The following CHRNA5 variants were observed in gnomAD, a reference collection of about 807,000 sequenced individuals.
CHRNA5 encodes the protein cholinergic receptor nicotinic alpha 5 subunit.
A neutral mutation model predicts 41.2 loss-of-function variants in CHRNA5; 28 were observed. The observed-to-expected ratio is 0.68, with a 90% CI of 0.50 to 0.93. The LOEUF (loss-of-function observed/expected upper bound fraction) is 0.93, where lower values mean the gene tolerates loss of function less well. Among genes scored for constraint, CHRNA5 ranks in the 40% least tolerant of loss-of-function variants. CHRNA5 has a pLI of 0.00. For synonymous variants in CHRNA5, 188 were observed against 205.8 expected (o/e 0.91, Z 0.74); for missense variants, 481 against 581.9 (o/e 0.83, Z 1.78).
chr15:78,565,897 C>A (rs2052742599), intron 1 of CHRNA5, 72 bp downstream of exon 1: 2 of 940,054 alleles, frequency 2.1e-6, no homozygotes, highest in Admixed American at 4.5e-5. Context: ...AGGAAGCCGC[C>A]AGGCGACGGC....
chr15:78,585,174 C>T (rs1460536049), intron 2 of CHRNA5, among the ~76,000 whole-genome samples: 1 of 152,182 alleles, frequency 6.6e-6, no homozygotes, highest in Non-Finnish European at 1.5e-5. Context: ...TCTTGGCCTC[C>T]CAAGTGCTGG....
intron 3 of CHRNA5, among the ~76,000 whole-genome samples, chr15:78,587,611 G>A (rs1292694928): frequency 1.3e-5 from 2 of 152,028 alleles, no homozygotes; most frequent in Non-Finnish European, 2.9e-5. Context: ...GCTGCTTATA[G>A]GCCACTGCAA....
At position 78,580,043 on chromosome 15, in the gene CHRNA5, G is replaced by T. The variant is rs556362578; in HGVS notation, c.107-768G>T. On this transcript the variant is annotated intron_variant, in intron 1 of 5. Transcript: ENST00000299565. ...AGCTGTGATCCCAGCACTATGGGAG[G>T]CTGAGGCGGGCAGATTGCTGAAGGT... Among the ~76,000 whole-genome samples the T allele has an allele frequency of 6.6e-5, 10 of 152,180 alleles. No individual in the cohort carries two copies. In the East Asian group the frequency reaches 1.9e-3, roughly 29 times the overall value.
At chr15:78,565,884 C>G (rs915069927) in intron 1 of CHRNA5, 59 bp downstream of exon 1, 2 of 1,058,820 alleles carry the variant, frequency 1.9e-6, no homozygotes, top group East Asian at 3.4e-5. Context: ...CATCGCGGTG[C>G]CCAGGAAGCC....
Position 78,588,297 on chromosome 15 carries a change from ATTTC to A in CHRNA5, c.304-13_304-10del, listed in dbSNP as rs2052979578. ...ATTAGTTTTATTGAAATTGAGGCAG[ATTTC>A]TTTGTTTTAAAGGAATGGATAGATG... On this transcript the variant is annotated splice_polypyrimidine_tract_variant and intron_variant, in intron 3 of 5. Coordinates refer to ENST00000299565, the Ensembl canonical transcript of CHRNA5. This position sits in a 1 kb window ranked among gnomAD's most constrained non-coding sequence, Gnocchi z 4.1. 3.0e-6 allele frequency: 4 copies of A among 1,342,596 alleles called. No homozygotes were observed. The highest frequency in any genetic ancestry group is 1.3e-5 in the South Asian group (1 of 75,916). The allele number at this position is 1,342,596 out of a possible 1,614,324, so 83.2% of individuals were successfully genotyped here. A position where few individuals can be genotyped will look rare whatever the true frequency, so the allele number is the denominator to read the frequency against.
At chr15:78,573,526 A>T (rs888799492) in intron 1 of CHRNA5, among the ~76,000 whole-genome samples, 2 of 152,220 alleles carry the variant, frequency 1.3e-5, no homozygotes, top group African/African-American at 4.8e-5. Context: ...CATTTGTTGA[A>T]TTAACGAATT....
chr15:78,590,078 C>T, exon 5 of CHRNA5: 3 of 1,614,178 alleles, frequency 1.9e-6, no homozygotes, highest in Non-Finnish European at 8.5e-7. Context: ...GCAAAGGAAA[C>T]AGAACCGACA....
chr15:78,566,057 G>T (rs1001645976), intron 1 of CHRNA5, among the ~76,000 whole-genome samples: 1 of 152,134 alleles, frequency 6.6e-6, no homozygotes, highest in Non-Finnish European at 1.5e-5. Context: ...GACCTGCATC[G>T]CTGGAGACTA....
chr15:78,586,761 C>G (rs1265372448), intron 3 of CHRNA5, 72 bp downstream of exon 3: 2 of 1,053,502 alleles, frequency 1.9e-6, no homozygotes, highest in South Asian at 1.4e-5. Context: ...TGTATTGTAG[C>G]AGAAATACAA....
intron 2 of CHRNA5, among the ~76,000 whole-genome samples, chr15:78,582,466 C>T (rs1022348934): frequency 4.1e-5 from 6 of 144,878 alleles, no homozygotes; most frequent in Non-Finnish European, 6.0e-5. Context: ...GCCTGGGCAA[C>T]AGAGCAAGAC....
At chr15:78,590,026 T>C in exon 5 of CHRNA5, 1 of 1,614,174 alleles carries the variant, frequency 6.2e-7, no homozygotes. Context: ...AAGAGAGATT[T>C]TTTTGATAAT....
exon 5 of CHRNA5, chr15:78,590,425 A>G (rs1567062983): frequency 5.6e-6 from 9 of 1,614,206 alleles, no homozygotes; most frequent in Non-Finnish European, 6.8e-6. Flanking sequence ...TCCTCAACAC[A>G]TAATGCCATG....
At chr15:78,590,414 T>C (rs372560481) in exon 5 of CHRNA5, 10 of 1,614,088 alleles carry the variant, frequency 6.2e-6, no homozygotes, top group Non-Finnish European at 8.5e-6. Context: ...ATCATCGTTC[T>C]TCCTCAACAC....
exon 1 of CHRNA5, chr15:78,565,693 C>A: frequency 9.8e-7 from 1 of 1,024,200 alleles, no homozygotes; most frequent in Non-Finnish European, 1.2e-6. Flanking sequence ...GAGGCGGCTG[C>A]CCGCGGTCCC....
At chr15:78,591,510 T>A (rs938686918) in intron 5 of CHRNA5, among the ~76,000 whole-genome samples, 6 of 152,242 alleles carry the variant, frequency 3.9e-5, no homozygotes, top group African/African-American at 1.4e-4. Flanking sequence ...TTTTCATAAT[T>A]GAATGTACAT....
At chr15:78,573,184 C>T (rs757153753) in intron 1 of CHRNA5, among the ~76,000 whole-genome samples, 9 of 152,092 alleles carry the variant, frequency 5.9e-5, no homozygotes, top group Non-Finnish European at 1.2e-4. Flanking sequence ...TGGGTAGAAG[C>T]CAGGGATGCC....
At chr15:78,573,905 T>C (rs1336342372) in intron 1 of CHRNA5, among the ~76,000 whole-genome samples, 1 of 151,148 alleles carries the variant, frequency 6.6e-6, no homozygotes, top group Non-Finnish European at 1.5e-5. Context: ...ATTCTTCTTC[T>C]TCTGCCTCAG....
In CHRNA5 at chr15:78,565,843, A is replaced by AGGGGC; in HGVS notation, c.106+27_106+31dup. 8.3e-7 allele frequency: 1 copy of AGGGGC among 1,209,722 alleles called. No individual in the cohort carries two copies. The allele number at this position is 1,209,722 out of a possible 1,614,324, so 74.9% of individuals were successfully genotyped here. A position where few individuals can be genotyped will look rare whatever the true frequency, so the allele number is the denominator to read the frequency against. On this transcript the variant is annotated intron_variant, in intron 1 of 5. Coordinates refer to ENST00000299565, the Ensembl canonical transcript of CHRNA5. ...GCAGAGAGGTAAGCCCGGGCTGCAGAGGGGCGGGGCGGGAGCTGGCCCGGA... is the reference window on the plus strand; with the variant it reads ...GCAGAGAGGTAAGCCCGGGCTGCAGAGGGGCGGGGCGGGGCGGGAGCTGGCCCGGA...
intron 2 of CHRNA5, among the ~76,000 whole-genome samples, chr15:78,582,133 G>A (rs540798825): frequency 1.5e-4 from 23 of 152,216 alleles, no homozygotes; most frequent in African/African-American, 5.5e-4. Flanking sequence ...TGGACTGTGT[G>A]TGCTCAGCCC....
Sources: gnomAD v4.1 joint callset for allele counts (sites outside exome capture counted in the v4.1 genomes callset) on GRCh38, gnomAD v4.1.1 for gene constraint, Gnocchi (gnomAD v3.1) non-coding constraint, MANE v1.5 for transcripts, NCBI Gene and HGNC (gene_info 2026-07-23, HGNC 2026-07-21) for gene names.